The following LRCH1 variants were observed in gnomAD, a reference collection of about 807,000 sequenced individuals.
LRCH1 encodes the protein leucine rich repeats and calponin homology domain containing 1, also known as leucine-rich repeat and calponin homology domain-containing protein 1.
LRCH1 carries 23 observed loss-of-function variants against 94.9 expected under a neutral mutation model. That is an observed-to-expected ratio of 0.24 (90% CI 0.17 to 0.34). LRCH1 has a LOEUF of 0.34. Among genes scored for constraint, LRCH1 ranks in the 10% least tolerant of loss-of-function variants. The probability of loss-of-function intolerance (pLI) is 1.00; values close to 1 mark genes in which losing one functional copy is unlikely to be tolerated. For synonymous variants in LRCH1, 364 were observed against 354.9 expected, an observed-to-expected ratio of 1.03 and a Z score of -0.29; for missense variants, 790 against 945.9, an observed-to-expected ratio of 0.84 and a Z score of 2.16.
At chr13:46,583,189 G>A (rs908206628) in intron 1 of LRCH1, among the ~76,000 whole-genome samples, 7 of 152,212 alleles carry the variant, frequency 4.6e-5, no homozygotes, top group South Asian at 2.1e-4. Flanking sequence ...AAAACAAGTC[G>A]ATTCTAGCTT....
At chr13:46,626,578 ACT>A (rs1407825186) in intron 1 of LRCH1, among the ~76,000 whole-genome samples, 1 of 152,186 alleles carries the variant, frequency 6.6e-6, no homozygotes, top group African/African-American at 2.4e-5. Flanking sequence ...ACCTATAAGA[ACT>A]AATGATAATC....
intron 17 of LRCH1, among the ~76,000 whole-genome samples, chr13:46,726,819 G>A (rs536347355): frequency 7.7e-6 from 1 of 130,606 alleles, no homozygotes; most frequent in Non-Finnish European, 1.6e-5. Context: ...TCACCTGGCG[G>A]TAACAAGATG....
intron 3 of LRCH1, among the ~76,000 whole-genome samples, chr13:46,674,475 T>C (rs555268074): frequency 1.3e-5 from 2 of 152,334 alleles, no homozygotes; most frequent in East Asian, 3.9e-4. Context: ...TATGGAATCT[T>C]AGCTCCATGG....
At chr13:46,625,206 G>A (rs1594295440) in intron 1 of LRCH1, among the ~76,000 whole-genome samples, 3 of 152,338 alleles carry the variant, frequency 2.0e-5, no homozygotes, top group East Asian at 1.9e-4. Context: ...CCCTCAGTCC[G>A]TGTTAGCAGT....
At chr13:46,664,644 G>A (rs1054646296) in intron 2 of LRCH1, among the ~76,000 whole-genome samples, 2 of 152,176 alleles carry the variant, frequency 1.3e-5, no homozygotes, top group South Asian at 2.1e-4. Context: ...TAAGCAACAC[G>A]TGGCTGTAAA....
intron 2 of LRCH1, among the ~76,000 whole-genome samples, chr13:46,652,347 A>T (rs1409945974): frequency 6.6e-6 from 1 of 150,396 alleles, no homozygotes; most frequent in Non-Finnish European, 1.5e-5. Context: ...AAGTGCTGGG[A>T]TTACAGGCGT....
chr13:46,609,008 A>G (rs1421509345), intron 1 of LRCH1, among the ~76,000 whole-genome samples: 3 of 152,158 alleles, frequency 2.0e-5, no homozygotes, highest in Non-Finnish European at 2.9e-5. Flanking sequence ...CCCGAGCTGT[A>G]TGGCACCCTT....
chr13:46,704,646 A>G (rs1477457313), intron 11 of LRCH1, among the ~76,000 whole-genome samples: 1 of 152,116 alleles, frequency 6.6e-6, no homozygotes, highest in East Asian at 1.9e-4. Flanking sequence ...CAAATTGCTT[A>G]TGATTTTTTT....
chr13:46,642,282 C>A (rs904490841), intron 1 of LRCH1, among the ~76,000 whole-genome samples: 1 of 152,256 alleles, frequency 6.6e-6, no homozygotes, highest in Admixed American at 6.5e-5. Context: ...CCCATATGAA[C>A]AACTGATGTT....
intron 3 of LRCH1, among the ~76,000 whole-genome samples, chr13:46,679,231 G>A (rs1319984326): frequency 6.6e-6 from 1 of 152,190 alleles, no homozygotes. Flanking sequence ...TTCCATAGAA[G>A]GATTTGATTT....
At chr13:46,616,712 C>T (rs747300213) in intron 1 of LRCH1, among the ~76,000 whole-genome samples, 4 of 152,190 alleles carry the variant, frequency 2.6e-5, no homozygotes, top group African/African-American at 4.8e-5. Context: ...ATTTCATGCG[C>T]GTTCGTGTGA....
At chr13:46,653,611 GC>G (rs1398009282) in intron 2 of LRCH1, among the ~76,000 whole-genome samples, 3 of 152,054 alleles carry the variant, frequency 2.0e-5, no homozygotes, top group African/African-American at 7.2e-5. Context: ...GATCCCTTGA[GC>G]CCAGGAGTTC....
intron 16 of LRCH1, among the ~76,000 whole-genome samples, chr13:46,716,818 C>T (rs962634442): frequency 1.3e-5 from 2 of 151,872 alleles, no homozygotes; most frequent in Non-Finnish European, 2.9e-5. Context: ...AACAAATGGC[C>T]CTCCTTATAC....
At chr13:46,677,439 C>CAA (rs2051692999) in intron 3 of LRCH1, among the ~76,000 whole-genome samples, 2 of 151,774 alleles carry the variant, frequency 1.3e-5, no homozygotes, top group African/African-American at 4.8e-5. Flanking sequence ...CAAAACAAAA[C>CAA]AAAACAAAAA....
rs1167943334 is a variant in LRCH1, at chr13:46,656,159, T to A, written c.452+5814T>A. Among the ~76,000 whole-genome samples, 3 of 152,238 alleles carry A rather than the reference T, an allele frequency of 2.0e-5. No individual in the cohort carries two copies. In the East Asian group the frequency reaches 5.8e-4, roughly 29 times the overall value. The stretch of plus-strand genomic sequence containing the variant: ...GTCACACTGAGAAGTCATCTTGGAT[T>A]GGGACAAGTGTCTTGCATGCTAGGG... On this transcript the variant is annotated intron_variant, in intron 2 of 19. Coordinates refer to ENST00000389797, the MANE Select transcript of LRCH1 (RefSeq NM_001164211.2).
chr13:46,553,240 C>CCCCAAAAAA lies in LRCH1; in HGVS notation c.-155_-154insCAAAAAACC. The CCCCAAAAAA allele has an allele frequency of 1.1e-5, 6 of 569,590 alleles. No individual in the cohort carries two copies. The highest frequency in any genetic ancestry group is 2.0e-5 in the African/African-American group (1 of 50,506). 35.3% of individuals were successfully genotyped at this position (569,590 alleles called of 1,614,324 possible). Reference sequence around the variant, plus strand: ...GCCACGGCCGCCTCCCCGCCCGCCCCCCATTCTACGCGCCTGCCCACACCC... The same window carrying CCCCAAAAAA: ...GCCACGGCCGCCTCCCCGCCCGCCCCCCCAAAAAACCATTCTACGCGCCTGCCCACACCC... On this transcript the variant is annotated 5_prime_UTR_variant, in exon 1 of 20. Coordinates refer to ENST00000389797, the MANE Select transcript of LRCH1 (RefSeq NM_001164211.2).
intron 2 of LRCH1, among the ~76,000 whole-genome samples, chr13:46,660,994 G>A (rs1406940433): frequency 6.6e-6 from 1 of 152,066 alleles, no homozygotes; most frequent in African/African-American, 2.4e-5. Flanking sequence ...AGCACCCCAG[G>A]TCAGAATCTC....
rs538501436 is a variant in LRCH1, at chr13:46,606,903, G to A, written c.308-43298G>A. Among the ~76,000 whole-genome samples, 19 of 152,250 alleles carry A rather than the reference G, an allele frequency of 1.2e-4. 1 individual carries two copies. The South Asian group carries it at 3.9e-3, about 32-fold the overall frequency. ...TTTTTTTATTACTCACATTTCCTAA[G>A]AGAAGAGGGCATTCCATGCCACACA... On this transcript the variant is annotated intron_variant, in intron 1 of 19. Coordinates refer to ENST00000389797, the MANE Select transcript of LRCH1 (RefSeq NM_001164211.2).
chr13:46,671,479 G>A (rs1188681367), intron 3 of LRCH1, among the ~76,000 whole-genome samples: 2 of 152,204 alleles, frequency 1.3e-5, no homozygotes, highest in African/African-American at 2.4e-5. Context: ...AAAGATGGCT[G>A]GGGCAGATTG....
Sources: allele counts gnomAD v4.1 joint callset (sites outside exome capture counted in the v4.1 genomes callset), GRCh38; gene constraint gnomAD v4.1.1; transcripts MANE v1.5; gene names NCBI Gene and HGNC (gene_info 2026-07-23, HGNC 2026-07-21).